PTPRN2: variants seen among roughly 807,000 people sequenced by gnomAD.
PTPRN2 encodes protein tyrosine phosphatase receptor type N2, also known as receptor-type tyrosine-protein phosphatase N2.
A neutral mutation model predicts 118.8 loss-of-function variants in PTPRN2; 74 were observed. The ratio of observed to expected loss-of-function variants is 0.62; its 90% CI spans 0.52 to 0.76. The LOEUF is 0.76. Ranked by LOEUF, PTPRN2 falls within the 30% of genes least tolerant of loss-of-function variation. The probability of loss-of-function intolerance (pLI) is 0.00; values close to 1 mark genes in which losing one functional copy is unlikely to be tolerated. For missense variants in PTPRN2, 1,481 were observed against 1,394.4 expected, an observed-to-expected ratio of 1.06 and a Z score of -0.99; for synonymous variants, 641 against 608.0, an observed-to-expected ratio of 1.05 and a Z score of -0.80.
In PTPRN2 at chr7:157,632,784, A is replaced by G. The variant is rs1160396429; in HGVS notation, c.2197-11275T>C. Among the ~76,000 whole-genome samples the G allele has an allele frequency of 6.6e-6, 1 of 152,232 alleles. No individual in the cohort carries two copies. The highest frequency in any genetic ancestry group is 1.9e-4 in the East Asian group (1 of 5,202). ...CATCTTAAAAATTAAGGTTATGTGA[A>G]CATAGGTAAAATACAGAGATGAATG... On this transcript the variant is annotated intron_variant, in intron 14 of 22. Coordinates refer to ENST00000389418, the MANE Select transcript of PTPRN2 (RefSeq NM_002847.5). This position sits in a 1 kb window ranked among gnomAD's most constrained non-coding sequence, Gnocchi z 4.3.
At position 157,990,467 on chromosome 7, in the gene PTPRN2, C is replaced by G. The variant is rs914681045; in HGVS notation, c.1723+90831G>C. ...TTCCTTCAGGGCACCCCCACCCACC[C>G]TCTCCCCAAGGCTTGGGCCACACTC... On this transcript the variant is annotated intron_variant, in intron 11 of 22. Transcript: ENST00000389418. The surrounding 1 kb of genome is among the most constrained non-coding windows in gnomAD (Gnocchi z 4.3). 6.6e-6 allele frequency among the ~76,000 whole-genome samples: 1 copy of G among 152,182 alleles called. No individual in the cohort carries two copies. Among genetic ancestry groups the G allele is most frequent in the South Asian group, 2.1e-4 (1 of 4,836 alleles).
chr7:158,317,942 T>C (rs1802477221), intron 2 of PTPRN2, among the ~76,000 whole-genome samples: 1 of 152,218 alleles, frequency 6.6e-6, no homozygotes, highest in African/African-American at 2.4e-5. Context: ...TGCGGGTTTC[T>C]ATGGGACTTT....
chr7:158,358,838 G>A (rs1226650747), intron 2 of PTPRN2, among the ~76,000 whole-genome samples: 1 of 152,250 alleles, frequency 6.6e-6, no homozygotes, highest in Non-Finnish European at 1.5e-5. Context: ...GTTTGGAATA[G>A]AAAGTTGGCA....
At chr7:158,205,352 T>A (rs1240997816) in intron 3 of PTPRN2, 79 bp from the exon 4 acceptor site, 3 of 1,044,428 alleles carry the variant, frequency 2.9e-6, no homozygotes, top group East Asian at 5.0e-5. Context: ...CACAATTAGT[T>A]GCATTTCAGC....
At chr7:158,470,286 A>C (rs1819759737) in intron 2 of PTPRN2, among the ~76,000 whole-genome samples, 1 of 152,200 alleles carries the variant, frequency 6.6e-6, no homozygotes, top group Admixed American at 6.5e-5. Flanking sequence ...ACAACAATAC[A>C]TTTTCCTAGT....
At chr7:157,790,228 G>GGTGT (rs1295246423) in intron 12 of PTPRN2, among the ~76,000 whole-genome samples, 1 of 139,738 alleles carries the variant, frequency 7.2e-6, no homozygotes, top group Non-Finnish European at 1.6e-5. Context: ...TGTGTATGGT[G>GGTGT]GTGTGTGTGT....
chr7:157,595,365 C>T, intron 16 of PTPRN2, 50 bp from the exon 17 acceptor site: 3 of 1,197,820 alleles, frequency 2.5e-6, no homozygotes, highest in Non-Finnish European at 3.4e-6. Flanking sequence ...ATTAGGAAGC[C>T]TGGAGGTTAG....
chr7:158,314,552 T>C (rs937658368), intron 3 of PTPRN2, among the ~76,000 whole-genome samples: 5 of 152,248 alleles, frequency 3.3e-5, no homozygotes, highest in Non-Finnish European at 7.3e-5. Flanking sequence ...CAGTGGCACA[T>C]ATGGAGCAGG....
intron 2 of PTPRN2, among the ~76,000 whole-genome samples, chr7:158,466,016 T>C (rs797004847): frequency 6.6e-5 from 10 of 152,326 alleles, no homozygotes; most frequent in African/African-American, 2.4e-4. Flanking sequence ...AGTAATAAAA[T>C]GGACATCCTT....
chr7:158,568,456 A>G (rs557633256), intron 1 of PTPRN2, among the ~76,000 whole-genome samples: 1 of 151,752 alleles, frequency 6.6e-6, no homozygotes, highest in East Asian at 1.9e-4. Context: ...TGGTTTGGAG[A>G]AGAAAAAAAA....
intron 2 of PTPRN2, among the ~76,000 whole-genome samples, chr7:158,370,579 C>T (rs1180698267): frequency 1.3e-5 from 2 of 152,142 alleles, no homozygotes; most frequent in East Asian, 1.9e-4. Context: ...GGTGAAACCC[C>T]GTCTCTACTA....
intron 3 of PTPRN2, among the ~76,000 whole-genome samples, chr7:158,284,715 G>A (rs757038672): frequency 6.6e-5 from 10 of 152,052 alleles, no homozygotes; most frequent in Non-Finnish European, 1.3e-4. Context: ...CACACCTCCC[G>A]CAGGAAGGCA....
chr7:157,811,332 T>TTATATATA (rs71189737), intron 12 of PTPRN2, among the ~76,000 whole-genome samples: 2,210 of 131,196 alleles, frequency 0.017, 14 homozygotes, highest in African/African-American at 0.026. Context: ...ATCTACTCTA[T>TTATATATA]TATATATATA....
chr7:158,035,999 G>A (rs911292587), intron 11 of PTPRN2, among the ~76,000 whole-genome samples: 2 of 152,150 alleles, frequency 1.3e-5, no homozygotes, highest in East Asian at 3.8e-4. Context: ...AGACTTACTG[G>A]CAGAAATTAA....
At chr7:158,260,271 GC>G (rs1290781491) in intron 3 of PTPRN2, among the ~76,000 whole-genome samples, 6 of 152,196 alleles carry the variant, frequency 3.9e-5, no homozygotes, top group Non-Finnish European at 5.9e-5. Context: ...GCCCTAGGCT[GC>G]CTTCCCAAGT....
intron 12 of PTPRN2, among the ~76,000 whole-genome samples, chr7:157,851,842 G>A (rs1560955): frequency 0.44 from 67,502 of 152,144 alleles, 15,428 homozygotes; most frequent in East Asian, 0.54. Flanking sequence ...GTTTCTCTTT[G>A]GCACAAAGCC....
intron 14 of PTPRN2, among the ~76,000 whole-genome samples, chr7:157,635,235 C>G (rs17837786): frequency 6.6e-6 from 1 of 152,182 alleles, no homozygotes; most frequent in Non-Finnish European, 1.5e-5. Context: ...GCCTGGTACA[C>G]CCTACATGAT....
At chr7:158,495,363 G>C (rs190120558) in intron 1 of PTPRN2, among the ~76,000 whole-genome samples, 77 of 152,298 alleles carry the variant, frequency 5.1e-4, no homozygotes, top group African/African-American at 1.8e-3. Flanking sequence ...ATTCTGGAGA[G>C]AGAGCAGGGT....
intron 11 of PTPRN2, among the ~76,000 whole-genome samples, chr7:157,972,906 C>T (rs994978893): frequency 2.0e-5 from 3 of 150,588 alleles, no homozygotes; most frequent in African/African-American, 7.3e-5. Context: ...AGTAACTCCA[C>T]ACCGTGAGAA....
Sources: allele counts gnomAD v4.1 joint callset (sites outside exome capture counted in the v4.1 genomes callset), GRCh38; gene constraint gnomAD v4.1.1; non-coding constraint Gnocchi (gnomAD v3.1); transcripts MANE v1.5; gene names NCBI Gene and HGNC (gene_info 2026-07-23, HGNC 2026-07-21).